NUGGC: variants seen among roughly 807,000 people sequenced by gnomAD.
The protein encoded by NUGGC is nuclear GTPase SLIP-GC.
Under a neutral mutation model 92.6 loss-of-function variants are expected in NUGGC, and 58 were observed. The observed-to-expected ratio is 0.63, with a 90% CI of 0.51 to 0.78. The LOEUF (loss-of-function observed/expected upper bound fraction) is 0.78. NUGGC is among the 30% of genes least tolerant of loss of function. The pLI, the probability that NUGGC is intolerant of heterozygous loss-of-function variation, is 0.00. For synonymous variants in NUGGC, 376 were observed against 366.4 expected, an observed-to-expected ratio of 1.03 and a Z score of -0.30; for missense variants, 925 against 964.6, an observed-to-expected ratio of 0.96 and a Z score of 0.54.
chr8:28,038,765 C>T (rs1345554931), intron 13 of NUGGC, among the ~76,000 whole-genome samples: 1 of 152,136 alleles, frequency 6.6e-6, no homozygotes, highest in Non-Finnish European at 1.5e-5. Context: ...GGAGACGCAA[C>T]AGGTGAGTGC....
At chr8:28,067,018 A>T (rs958920230) in intron 6 of NUGGC, among the ~76,000 whole-genome samples, 1 of 152,156 alleles carries the variant, frequency 6.6e-6, no homozygotes, top group Non-Finnish European at 1.5e-5. Flanking sequence ...GCTGATGCCA[A>T]CCTTTTCTCC....
chr8:28,068,348 C>G lies in NUGGC; in HGVS notation c.348G>C (p.Leu116=). The part of the protein sequence containing the change: ...FGSTGAGKSS[L]INAIIQQAMF... ...TTGCTTGCTGGATGATGGCATTGAT[C>G]AGGGAGCTCTTCCCAGCCCCAGTGC... The change falls in exon 5 of 19, where the codon CTG becomes CTC. Residue 116 remains leucine, a synonymous_variant. Coordinates refer to ENST00000413272, the MANE Select transcript of NUGGC (RefSeq NM_001010906.2). 6.4e-7 allele frequency: 1 copy of G among 1,573,778 alleles called. No individual in the cohort carries two copies. The highest frequency in any genetic ancestry group is 8.6e-7 in the Non-Finnish European group (1 of 1,158,716).
At chr8:28,033,246 G>A (rs886506820) in intron 14 of NUGGC, among the ~76,000 whole-genome samples, 3 of 152,134 alleles carry the variant, frequency 2.0e-5, no homozygotes, top group African/African-American at 7.2e-5. Flanking sequence ...CCCTGTCCTG[G>A]GCTCAGATCC....
intron 17 of NUGGC, among the ~76,000 whole-genome samples, chr8:28,027,721 C>G (rs1809303855): frequency 6.6e-6 from 1 of 152,164 alleles, no homozygotes; most frequent in African/African-American, 2.4e-5. Context: ...GCATACATCT[C>G]AGCTCTAGCC....
intron 6 of NUGGC, among the ~76,000 whole-genome samples, chr8:28,067,116 A>C (rs757028565): frequency 4.6e-5 from 7 of 152,232 alleles, no homozygotes; most frequent in Non-Finnish European, 1.5e-5. Flanking sequence ...AAAGGGAGCC[A>C]GAGATGCTGA....
Position 28,029,298 on chromosome 8 carries a change from C to A in NUGGC, c.2122G>T (p.Glu708Ter). ...TGCTGAAACTGGTGCTGCATCCTTTCCTGGGCCCTTTCAAACATGCCCTCA... is the reference window on the plus strand; with the variant it reads ...TGCTGAAACTGGTGCTGCATCCTTTACTGGGCCCTTTCAAACATGCCCTCA... The part of the protein sequence containing the change: ...VAEGMFERAQ[E>*]RMQHQFQQLK... The change falls in exon 17 of 19, where the codon GAA (glutamate) becomes TAA (stop). Residue 708 changes from glutamate to a stop codon, truncating the protein, a stop_gained. Transcript: ENST00000413272. LOFTEE classifies it high-confidence loss of function. 1 of 1,607,596 alleles carries A rather than the reference C, an allele frequency of 6.2e-7. No individual in the cohort carries two copies. Among genetic ancestry groups the A allele is most frequent in the Non-Finnish European group, 8.5e-7 (1 of 1,177,018 alleles).
At chr8:28,047,128 G>A (rs1054694513) in intron 11 of NUGGC, among the ~76,000 whole-genome samples, 3 of 152,034 alleles carry the variant, frequency 2.0e-5, no homozygotes, top group Admixed American at 6.5e-5. Context: ...GCACCACCAC[G>A]CCTGGCAAAT....
intron 14 of NUGGC, among the ~76,000 whole-genome samples, chr8:28,033,102 G>C (rs1809464369): frequency 6.6e-6 from 1 of 152,062 alleles, no homozygotes; most frequent in Non-Finnish European, 1.5e-5. Context: ...TGAGGCTGCA[G>C]TGAGCTAGGA....
intron 16 of NUGGC, among the ~76,000 whole-genome samples, chr8:28,029,735 G>C (rs1465578786): frequency 6.6e-6 from 1 of 152,004 alleles, no homozygotes; most frequent in Non-Finnish European, 1.5e-5. Context: ...GGGTGACAAA[G>C]CAAGACTCCA....
chr8:28,078,531 TAAGAC>T (rs1810775287), intron 1 of NUGGC, among the ~76,000 whole-genome samples: 1 of 152,204 alleles, frequency 6.6e-6, no homozygotes, highest in African/African-American at 2.4e-5. Context: ...CTGGAGGACT[TAAGAC>T]AAGTCGTTTT....
chr8:28,070,759 C>A (rs1810571460), intron 2 of NUGGC, among the ~76,000 whole-genome samples: 1 of 150,902 alleles, frequency 6.6e-6, no homozygotes, highest in Admixed American at 6.6e-5. Flanking sequence ...TCACACCTGG[C>A]AAATTTTTGT....
intron 1 of NUGGC, among the ~76,000 whole-genome samples, chr8:28,076,425 A>G (rs1018013085): frequency 6.6e-6 from 1 of 152,130 alleles, no homozygotes; most frequent in Non-Finnish European, 1.5e-5. Flanking sequence ...CAGCCTCCAG[A>G]GTAGCTGGGA....
intron 14 of NUGGC, among the ~76,000 whole-genome samples, chr8:28,033,254 T>A (rs1334434188): frequency 1.3e-5 from 2 of 152,166 alleles, no homozygotes; most frequent in African/African-American, 2.4e-5. Context: ...TGGGCTCAGA[T>A]CCCTAAGAAA....
At chr8:28,026,225 T>C (rs1159402462) in intron 18 of NUGGC, among the ~76,000 whole-genome samples, 1 of 152,242 alleles carries the variant, frequency 6.6e-6, no homozygotes, top group Non-Finnish European at 1.5e-5. Flanking sequence ...TTTAGAATGT[T>C]ACCCTGAATA....
intron 1 of NUGGC, among the ~76,000 whole-genome samples, chr8:28,075,868 A>G (rs1380721786): frequency 6.6e-6 from 1 of 152,162 alleles, no homozygotes; most frequent in Non-Finnish European, 1.5e-5. Context: ...TCCCCTCTGC[A>G]GCCCATTTTC....
At chr8:28,064,048 G>A (rs1230247444) in intron 7 of NUGGC, among the ~76,000 whole-genome samples, 1 of 152,054 alleles carries the variant, frequency 6.6e-6, no homozygotes, top group South Asian at 2.1e-4. Flanking sequence ...CCTCCTCCAC[G>A]GACCCCATGC....
At chr8:28,031,656 G>A (rs1015010657) in intron 14 of NUGGC, among the ~76,000 whole-genome samples, 8 of 152,232 alleles carry the variant, frequency 5.3e-5, no homozygotes, top group African/African-American at 1.7e-4. Context: ...CTAGCAAGAG[G>A]CAGAGCCATG....
chr8:28,057,038 C>G (rs753670567), intron 9 of NUGGC, among the ~76,000 whole-genome samples: 21 of 152,282 alleles, frequency 1.4e-4, no homozygotes, highest in Admixed American at 2.0e-4. Context: ...TCTTGCAGTT[C>G]TCATGTATTT....
intron 2 of NUGGC, among the ~76,000 whole-genome samples, chr8:28,071,390 C>T (rs1381507579): frequency 6.6e-6 from 1 of 152,116 alleles, no homozygotes; most frequent in Non-Finnish European, 1.5e-5. Flanking sequence ...CTTCTTGAGC[C>T]TCAATTTATT....
Sources: allele counts gnomAD v4.1 joint callset (sites outside exome capture counted in the v4.1 genomes callset), GRCh38; gene constraint gnomAD v4.1.1; transcripts MANE v1.5; gene names NCBI Gene and HGNC (gene_info 2026-07-23, HGNC 2026-07-21).